The following GAS2 variants were observed in gnomAD, a reference collection of about 807,000 sequenced individuals.
The protein encoded by GAS2 is growth arrest specific 2, also known as growth arrest-specific protein 2.
A neutral mutation model predicts 37.5 loss-of-function variants in GAS2; 20 were observed. The ratio of observed to expected loss-of-function variants is 0.53; its 90% CI spans 0.37 to 0.77. GAS2 has a LOEUF of 0.77. Ranked by LOEUF, GAS2 falls within the 30% of genes least tolerant of loss-of-function variation. The pLI is 0.00. For missense variants in GAS2, 336 were observed against 373.4 expected (o/e 0.90, Z 0.82); for synonymous variants, 144 against 132.2 (o/e 1.09, Z -0.61).
chr11:22,775,654 TTTTGTTTG>T (rs764398009), intron 7 of GAS2, among the ~76,000 whole-genome samples: 9 of 152,122 alleles, frequency 5.9e-5, no homozygotes, highest in African/African-American at 2.2e-4. Flanking sequence ...TGTAATGAGT[TTTTGTTTG>T]TTTGTTTGTT....
At chr11:22,635,225 G>A (rs867882821) in intron 1 of GAS2, among the ~76,000 whole-genome samples, 1 of 151,750 alleles carries the variant, frequency 6.6e-6, no homozygotes, top group Non-Finnish European at 1.5e-5. Context: ...TGCAAAGCCA[G>A]GTGGTGGCTG....
chr11:22,663,413 A>C (rs865878894), upstream of GAS2, among the ~76,000 whole-genome samples: 11 of 152,204 alleles, frequency 7.2e-5, no homozygotes, highest in African/African-American at 2.6e-4. Flanking sequence ...CTCAAAAAAA[A>C]AAATAAAAAA....
intron 3 of GAS2, among the ~76,000 whole-genome samples, chr11:22,705,833 G>A (rs1284077609): frequency 2.0e-5 from 3 of 152,160 alleles, no homozygotes; most frequent in African/African-American, 7.2e-5. Context: ...ACAAGAAAGT[G>A]TACATACATG....
At chr11:22,651,301 T>C (rs1169312052) in intron 1 of GAS2, among the ~76,000 whole-genome samples, 1 of 152,248 alleles carries the variant, frequency 6.6e-6, no homozygotes, top group Non-Finnish European at 1.5e-5. Flanking sequence ...GTTAGTCTGA[T>C]GGGCTTCCCT....
At position 22,812,574 on chromosome 11, in the gene GAS2, G is replaced by A. The variant is rs539063566; in HGVS notation, c.*558G>A. The stretch of plus-strand genomic sequence containing the variant: ...CTTCCGAAAAGTTTACATTCACTTG[G>A]AAGGCTGCCTTAAAGTATATCTCTT... On this transcript the variant is annotated 3_prime_UTR_variant, in exon 8 of 8. Transcript: ENST00000454584. The A allele has an allele frequency of 4.4e-4, 68 of 153,216 alleles. 1 individual carries two copies. The South Asian group carries it at 0.013, about 28-fold the overall frequency. 9.5% of individuals were successfully genotyped at this position (153,216 alleles called of 1,614,324 possible).
intron 3 of GAS2, among the ~76,000 whole-genome samples, chr11:22,718,818 T>C (rs1315221653): frequency 2.0e-5 from 3 of 152,112 alleles, no homozygotes; most frequent in African/African-American, 7.2e-5. Flanking sequence ...AATCTCAGTC[T>C]GTTCATATGC....
At chr11:22,749,078 T>C (rs767957161) in intron 5 of GAS2, 42 bp from the exon 6 acceptor site, 1 of 1,553,088 alleles carries the variant, frequency 6.4e-7, no homozygotes, top group Non-Finnish European at 8.7e-7. Flanking sequence ...AATTGTATCA[T>C]TATAAGTTAT....
chr11:22,741,452 TAGA>T (rs1853075267), intron 5 of GAS2, among the ~76,000 whole-genome samples: 1 of 147,494 alleles, frequency 6.8e-6, no homozygotes, highest in South Asian at 2.1e-4. Flanking sequence ...ATCCTTATAA[TAGA>T]AGTAAAAAAA....
intron 1 of GAS2, among the ~76,000 whole-genome samples, chr11:22,670,189 G>A (rs1052727057): frequency 3.3e-5 from 5 of 152,152 alleles, no homozygotes; most frequent in African/African-American, 4.8e-5. Context: ...ACATGAAACT[G>A]AATAGATGTG....
At chr11:22,802,083 T>C (rs989714154) in intron 7 of GAS2, among the ~76,000 whole-genome samples, 2 of 152,022 alleles carry the variant, frequency 1.3e-5, no homozygotes, top group Admixed American at 6.6e-5. Flanking sequence ...GTATCATTAA[T>C]AGAAACAAAG....
At chr11:22,655,537 A>G (rs1445611933) in intron 1 of GAS2, among the ~76,000 whole-genome samples, 1 of 152,250 alleles carries the variant, frequency 6.6e-6, no homozygotes, top group Non-Finnish European at 1.5e-5. Context: ...TGAAAAACAG[A>G]ACAAAAACAA....
chr11:22,723,914 T>C (rs886953256), intron 3 of GAS2, among the ~76,000 whole-genome samples: 7 of 152,048 alleles, frequency 4.6e-5, no homozygotes, highest in African/African-American at 1.7e-4. Context: ...TTTGGTAGTA[T>C]TGATAAAATA....
intron 4 of GAS2, among the ~76,000 whole-genome samples, chr11:22,734,674 A>C (rs1328100154): frequency 1.3e-5 from 2 of 151,788 alleles, no homozygotes; most frequent in Non-Finnish European, 3.0e-5. Context: ...ATAACAGTAA[A>C]TATTATTTTG....
intron 7 of GAS2, among the ~76,000 whole-genome samples, chr11:22,791,056 C>T (rs1197252686): frequency 6.6e-6 from 1 of 151,932 alleles, no homozygotes; most frequent in Non-Finnish European, 1.5e-5. Context: ...ATCAAATACT[C>T]AAAATGAAAA....
intron 1 of GAS2, among the ~76,000 whole-genome samples, chr11:22,646,867 T>G (rs1221255563): frequency 6.6e-6 from 1 of 151,966 alleles, no homozygotes. Flanking sequence ...CATTTGTGCT[T>G]GCTTGCTTTC....
intron 1 of GAS2, among the ~76,000 whole-genome samples, chr11:22,627,861 C>A (rs1035784659): frequency 6.6e-6 from 1 of 151,708 alleles, no homozygotes; most frequent in African/African-American, 2.4e-5. Context: ...TTCAGAGGAG[C>A]CTTCAAGGCT....
chr11:22,703,152 C>T (rs1438472480), intron 3 of GAS2, among the ~76,000 whole-genome samples: 1 of 152,130 alleles, frequency 6.6e-6, no homozygotes, highest in African/African-American at 2.4e-5. Context: ...TTTCCTAGCA[C>T]CAGCGCAGTG....
At chr11:22,787,576 A>C (rs11026788) in intron 7 of GAS2, among the ~76,000 whole-genome samples, 4,396 of 152,090 alleles carry the variant, frequency 0.029, 86 homozygotes, top group Admixed American at 0.063. Flanking sequence ...TTTATTCCGA[A>C]AAAAAAAGAA....
intron 7 of GAS2, among the ~76,000 whole-genome samples, chr11:22,797,689 A>C (rs2134619595): frequency 6.6e-6 from 1 of 152,180 alleles, no homozygotes; most frequent in Middle Eastern, 3.4e-3. Context: ...ATGATAACAA[A>C]ATTAAATAGG....
Sources: allele counts gnomAD v4.1 joint callset (sites outside exome capture counted in the v4.1 genomes callset), GRCh38; gene constraint gnomAD v4.1.1; transcripts MANE v1.5; gene names NCBI Gene and HGNC (gene_info 2026-07-23, HGNC 2026-07-21).